Variants in TRIM37 observed in about 807,000 individuals in gnomAD.
The protein encoded by TRIM37 is tripartite motif containing 37, also known as E3 ubiquitin-protein ligase TRIM37.
TRIM37 carries 80 observed loss-of-function variants against 129.8 expected under a neutral mutation model. That is an observed-to-expected ratio of 0.62 (90% CI 0.51 to 0.74). TRIM37 has a LOEUF of 0.74. Among genes scored for constraint, TRIM37 ranks in the 30% least tolerant of loss-of-function variants. The probability of loss-of-function intolerance (pLI) is 0.00; values close to 1 mark genes in which losing one functional copy is unlikely to be tolerated. For synonymous variants in TRIM37, 389 were observed against 387.1 expected, an observed-to-expected ratio of 1.00 and a Z score of -0.06; for missense variants, 1,054 against 1,176.5, an observed-to-expected ratio of 0.90 and a Z score of 1.52.
At chr17:59,044,520 C>A (rs1461351194) in intron 16 of TRIM37, among the ~76,000 whole-genome samples, 1 of 152,052 alleles carries the variant, frequency 6.6e-6, no homozygotes, top group Non-Finnish European at 1.5e-5. Context: ...TGAGATTGTG[C>A]CACTGCACTC....
At chr17:58,981,465 T>C (rs2031351654), downstream of TRIM37, 1 of 154,838 alleles carries the variant, frequency 6.5e-6, no homozygotes, top group African/African-American at 2.4e-5. Flanking sequence ...GAATTACATT[T>C]GGTTGGGAAA....
chr17:58,976,781 G>T, the TRIM37 span, among the ~76,000 whole-genome samples: 1 of 152,178 alleles, frequency 6.6e-6, no homozygotes. Context: ...ACAAATCTTT[G>T]TATGTTCTGT....
At position 59,047,828 on chromosome 17, in the gene TRIM37, A is replaced by G; in HGVS notation, c.1531-9T>C. ...CCATCTGAAAGCTCGTGCTAGATCA[A>G]TGCCAAGAAAACAAGACGTCTATTC... On this transcript the variant is annotated splice_polypyrimidine_tract_variant and intron_variant, in intron 15 of 23. Coordinates refer to ENST00000262294, the MANE Select transcript of TRIM37 (RefSeq NM_015294.6). 6.2e-7 allele frequency: 1 copy of G among 1,613,836 alleles called. No individual in the cohort carries two copies. The highest frequency in any genetic ancestry group is 1.1e-5 in the South Asian group (1 of 91,082).
At chr17:58,971,437 C>T in the TRIM37 span, among the ~76,000 whole-genome samples, 2 of 152,120 alleles carry the variant, frequency 1.3e-5, no homozygotes, top group African/African-American at 2.4e-5. Context: ...ATGTCATTTT[C>T]GTATAGTAGG....
intron 19 of TRIM37, among the ~76,000 whole-genome samples, chr17:59,020,383 C>A: frequency 7.0e-6 from 1 of 143,056 alleles, no homozygotes; most frequent in African/African-American, 2.6e-5. Flanking sequence ...CAGGTCAAAT[C>A]AAAGGAGAAA....
At position 59,012,227 on chromosome 17, in the gene TRIM37, G is replaced by GCAGCAGCAGCAGCAGCAGCAGCAC. The variant is rs72443487; in HGVS notation, c.2695+100_2695+101insGTGCTGCTGCTGCTGCTGCTGCTG. 1.9e-3 allele frequency: 1,168 copies of GCAGCAGCAGCAGCAGCAGCAGCAC among 611,872 alleles called. 5 individuals are homozygous for GCAGCAGCAGCAGCAGCAGCAGCAC. The East Asian group carries it at 0.022, about 12-fold the overall frequency. The allele number at this position is 611,872 out of a possible 1,614,324, so 37.9% of individuals were successfully genotyped here. A position where few individuals can be genotyped will look rare whatever the true frequency, so the allele number is the denominator to read the frequency against. On this transcript the variant is annotated intron_variant, in intron 22 of 23. Coordinates refer to ENST00000262294, the MANE Select transcript of TRIM37 (RefSeq NM_015294.6). ...CCTATCACTACCACCAGCAGCAGCAGCACCACCACCACCACCACCACCACC... is the reference window on the plus strand; with the variant it reads ...CCTATCACTACCACCAGCAGCAGCAGCAGCAGCAGCAGCAGCAGCAGCACCACCACCACCACCACCACCACCACC...
chr17:59,006,293 ATTG>A (rs1476738043), intron 22 of TRIM37, among the ~76,000 whole-genome samples: 1 of 152,218 alleles, frequency 6.6e-6, no homozygotes, highest in Non-Finnish European at 1.5e-5. Context: ...AGCTTCAGAG[ATTG>A]TTAACGCAAA....
At chr17:59,081,767 C>T (rs2043272250) in intron 5 of TRIM37, among the ~76,000 whole-genome samples, 5 of 151,584 alleles carry the variant, frequency 3.3e-5, no homozygotes, top group Middle Eastern at 6.9e-3. Context: ...TGTAGCCACG[C>T]ATGTTGGCGC....
chr17:59,036,470 G>GTGTGTT (rs1291768357), intron 17 of TRIM37, among the ~76,000 whole-genome samples: 1 of 151,404 alleles, frequency 6.6e-6, no homozygotes. Flanking sequence ...GTGTGTGTGT[G>GTGTGTT]TGTGTGTGTG....
chr17:58,997,286 A>G (rs756728211), downstream of TRIM37, among the ~76,000 whole-genome samples: 18 of 152,196 alleles, frequency 1.2e-4, no homozygotes, highest in Non-Finnish European at 2.5e-4. Context: ...TCTTTTGCAA[A>G]CCTGAAATTA....
rs751852215 is a variant in TRIM37 at position 59,084,095 on chromosome 17, C to A, written c.282-6G>T. On this transcript the variant is annotated splice_polypyrimidine_tract_variant and splice_region_variant and intron_variant, in intron 4 of 23. Coordinates refer to ENST00000262294, the MANE Select transcript of TRIM37 (RefSeq NM_015294.6). The stretch of plus-strand genomic sequence containing the variant: ...TTTCATGGTGATTTTCACATCTATA[C>A]ATTATGAAAAGAAAATGAAGTTATA... 1 of 1,603,820 alleles carries A rather than the reference C, an allele frequency of 6.2e-7. No individual in the cohort carries two copies. The highest frequency in any genetic ancestry group is 8.5e-7 in the Non-Finnish European group (1 of 1,171,642).
intron 24 of TRIM37, among the ~76,000 whole-genome samples, chr17:58,986,697 C>T (rs926424584): frequency 6.6e-6 from 1 of 151,126 alleles, no homozygotes; most frequent in Admixed American, 6.6e-5. Flanking sequence ...TTAGTAGAGA[C>T]GGGGTTTTGC....
At chr17:58,997,237 G>A (rs2033100237), downstream of TRIM37, among the ~76,000 whole-genome samples, 1 of 152,148 alleles carries the variant, frequency 6.6e-6, no homozygotes, top group Admixed American at 6.5e-5. Flanking sequence ...GAGAAGCTGG[G>A]CAGAGGGTAT....
downstream of TRIM37, among the ~76,000 whole-genome samples, chr17:58,997,482 G>A (rs563565326): frequency 6.6e-6 from 1 of 152,136 alleles, no homozygotes; most frequent in East Asian, 1.9e-4. Context: ...AAGGCTCCAT[G>A]GCCAAACAGG....
intron 24 of TRIM37, chr17:58,983,149 G>A (rs2143856712): frequency 2.1e-6 from 1 of 473,516 alleles, no homozygotes; most frequent in East Asian, 3.3e-5. Flanking sequence ...CCCATCTTTA[G>A]GGGTCTGGAT....
intron 2 of TRIM37, among the ~76,000 whole-genome samples, chr17:59,091,891 T>C (rs1488156707): frequency 6.6e-6 from 1 of 151,590 alleles, no homozygotes; most frequent in Non-Finnish European, 1.5e-5. Context: ...ATCTTATTAT[T>C]GTCTTATAAT....
intron 19 of TRIM37, among the ~76,000 whole-genome samples, chr17:59,027,276 G>C (rs2145480808): frequency 6.6e-6 from 1 of 152,174 alleles, no homozygotes; most frequent in Admixed American, 6.5e-5. Context: ...TATCTGATTT[G>C]CTTCTCAATA....
chr17:59,088,179 A>T (rs2043947069), intron 4 of TRIM37, 112 bp downstream of exon 4: 1 of 712,004 alleles, frequency 1.4e-6, no homozygotes, highest in Non-Finnish European at 2.5e-6. Context: ...AAAAACAAGA[A>T]ATATAACACT....
the TRIM37 span, among the ~76,000 whole-genome samples, chr17:58,970,669 T>G: frequency 1.3e-5 from 2 of 152,070 alleles, no homozygotes; most frequent in Non-Finnish European, 2.9e-5. Flanking sequence ...TCTTCATCTC[T>G]CCCCTCCCCT....
Sources: gnomAD v4.1 joint callset for allele counts (sites outside exome capture counted in the v4.1 genomes callset) on GRCh38, gnomAD v4.1.1 for gene constraint, MANE v1.5 for transcripts, NCBI Gene and HGNC (gene_info 2026-07-23, HGNC 2026-07-21) for gene names.